The following CAPZA2 variants were observed in gnomAD, a reference collection of about 807,000 sequenced individuals.
The protein encoded by CAPZA2 is capping actin protein of muscle Z-line subunit alpha 2, also known as F-actin-capping protein subunit alpha-2.
CAPZA2 carries 13 observed loss-of-function variants against 44.0 expected under a neutral mutation model. The observed-to-expected ratio is 0.30, with a 90% CI of 0.19 to 0.47. The LOEUF (loss-of-function observed/expected upper bound fraction) is 0.47. CAPZA2 is among the 20% of genes least tolerant of loss of function. The probability of loss-of-function intolerance (pLI) is 1.00; values close to 1 mark genes in which losing one functional copy is unlikely to be tolerated. For missense variants in CAPZA2, 244 were observed against 338.6 expected (o/e 0.72, Z 2.19); for synonymous variants, 94 against 108.2 (o/e 0.87, Z 0.81).
intron 1 of CAPZA2, among the ~76,000 whole-genome samples, chr7:116,867,728 C>G (rs536567069): frequency 2.0e-5 from 3 of 152,116 alleles, no homozygotes; most frequent in African/African-American, 7.2e-5. Flanking sequence ...GGACTACAGG[C>G]ACACACCTGC....
At chr7:116,876,334 C>T (rs1796622264) in intron 1 of CAPZA2, 1 of 151,640 alleles carries the variant, frequency 6.6e-6, no homozygotes, top group Non-Finnish European at 1.5e-5. Context: ...TGTTTTCGTT[C>T]CTATGAAGGA....
Position 116,916,035 on chromosome 7 carries a change from TTTA to T in CAPZA2, c.658-22_658-20del, listed in dbSNP as rs780791271. ...AGTGGTTTAGTTTTAAATTACTATT[TTTA>T]TTTTGTTTTTTTTTTTTTCAGAATG... On this transcript the variant is annotated intron_variant, in intron 8 of 9. Coordinates refer to ENST00000361183, the MANE Select transcript of CAPZA2 (RefSeq NM_006136.3). 3 of 1,434,148 alleles carry T rather than the reference TTTA, an allele frequency of 2.1e-6. No individual in the cohort carries two copies. The African/African-American group carries it at 4.4e-5, about 21-fold the overall frequency. 88.8% of individuals were successfully genotyped at this position (1,434,148 alleles called of 1,614,324 possible).
At position 116,898,166 on chromosome 7, in the gene CAPZA2, A is replaced by C. The variant is rs1007669583; in HGVS notation, c.156-606A>C. Among the ~76,000 whole-genome samples the C allele has an allele frequency of 1.6e-4, 25 of 151,880 alleles. 1 individual carries two copies. Among genetic ancestry groups the C allele is most frequent in the African/African-American group, 6.0e-4 (25 of 41,356 alleles). ...CATCCCTCCAATTTCCATAAACCAG[A>C]GCCTATCCAGTTTTTCAAGTCGGTT... On this transcript the variant is annotated intron_variant, in intron 3 of 9. Coordinates refer to ENST00000361183, the MANE Select transcript of CAPZA2 (RefSeq NM_006136.3).
At chr7:116,903,826 G>GT (rs954838010) in intron 4 of CAPZA2, among the ~76,000 whole-genome samples, 1 of 152,168 alleles carries the variant, frequency 6.6e-6, no homozygotes, top group African/African-American at 2.4e-5. Flanking sequence ...AAGTTCTGTA[G>GT]TTTTGAGGAA....
At chr7:116,880,231 A>T in intron 1 of CAPZA2, 1 of 364,046 alleles carries the variant, frequency 2.7e-6, no homozygotes. Flanking sequence ...AGAACAGTTT[A>T]TTTTTGAGTT....
chr7:116,882,270 TGTG>T (rs1291759408), intron 1 of CAPZA2, among the ~76,000 whole-genome samples: 1 of 152,212 alleles, frequency 6.6e-6, no homozygotes, highest in Non-Finnish European at 1.5e-5. Flanking sequence ...CTAGAATTAC[TGTG>T]GTGGTCACCC....
chr7:116,895,336 TTTA>T (rs1180760387), intron 3 of CAPZA2, among the ~76,000 whole-genome samples: 1 of 151,722 alleles, frequency 6.6e-6, no homozygotes, highest in African/African-American at 2.4e-5. Context: ...GTATGGGACT[TTTA>T]TTTGTCCAAA....
rs141787959 is a variant in CAPZA2 at position 116,906,089 on chromosome 7, G to A, written c.427-174G>A. Among the ~76,000 whole-genome samples, 32 of 152,092 alleles carry A rather than the reference G, an allele frequency of 2.1e-4. No homozygotes were observed. The East Asian group carries it at 5.6e-3, about 27-fold the overall frequency. ...TGTGGTCCACTAATAATTTGATTAC[G>A]CATAAATATTTGAGAACATGTTTTT... On this transcript the variant is annotated intron_variant, in intron 5 of 9. Transcript: ENST00000361183.
chr7:116,915,931 A>G (rs1380755471), intron 8 of CAPZA2, 129 bp from the exon 9 acceptor site: 7 of 622,538 alleles, frequency 1.1e-5, no homozygotes, highest in African/African-American at 5.9e-5. Flanking sequence ...TGATCTTACA[A>G]TATTTATTCT....
chr7:116,871,702 T>A (rs1796556070), intron 1 of CAPZA2, among the ~76,000 whole-genome samples: 1 of 152,250 alleles, frequency 6.6e-6, no homozygotes, highest in East Asian at 1.9e-4. Context: ...CTTTCTTCTC[T>A]TCTTTTGTAT....
rs1448041785 is a variant in CAPZA2, at chr7:116,920,382, G to T, written c.*2515G>T. The T allele has an allele frequency of 6.6e-6, 1 of 152,264 alleles. No homozygotes were observed. The highest frequency in any genetic ancestry group is 1.5e-5 in the Non-Finnish European group (1 of 68,112). 9.4% of individuals were successfully genotyped at this position (152,264 alleles called of 1,614,324 possible). The stretch of plus-strand genomic sequence containing the variant: ...TTGCTGAGTAGGCTGAAGTGTGGTG[G>T]CAAAGGCATAATCAGGGAGAACAGC... On this transcript the variant is annotated 3_prime_UTR_variant, in exon 10 of 10. Transcript: ENST00000361183.
chr7:116,902,474 G>A (rs1380856743), intron 4 of CAPZA2, among the ~76,000 whole-genome samples: 1 of 152,122 alleles, frequency 6.6e-6, no homozygotes, highest in Non-Finnish European at 1.5e-5. Flanking sequence ...TTTATCAGTA[G>A]TCAGTGGAAT....
At chr7:116,883,439 G>A (rs149762220) in intron 1 of CAPZA2, among the ~76,000 whole-genome samples, 1 of 152,220 alleles carries the variant, frequency 6.6e-6, no homozygotes, top group African/African-American at 2.4e-5. Flanking sequence ...TACTGTGAGA[G>A]ACATCCTTTC....
In CAPZA2 at chr7:116,892,990, G is replaced by A. The variant is rs953806669; in HGVS notation, c.104-4G>A. The A allele has an allele frequency of 3.2e-6, 5 of 1,585,184 alleles. No homozygotes were observed. The South Asian group carries it at 5.7e-5, about 18-fold the overall frequency. On this transcript the variant is annotated splice_region_variant and splice_polypyrimidine_tract_variant and intron_variant, in intron 2 of 9. Transcript: ENST00000361183. ...ATAATGTAGATAACATAATTGTTTT[G>A]CAGATGTTCGGTTACTGCTTAATAA... is the stretch of plus-strand genomic sequence containing the variant.
At chr7:116,886,437 T>C (rs1796762771) in intron 1 of CAPZA2, among the ~76,000 whole-genome samples, 1 of 152,202 alleles carries the variant, frequency 6.6e-6, no homozygotes, top group South Asian at 2.1e-4. Flanking sequence ...GTTTCTCTCC[T>C]CTGAAAATGG....
intron 4 of CAPZA2, among the ~76,000 whole-genome samples, chr7:116,900,917 C>CA (rs1416990434): frequency 1.3e-5 from 2 of 152,002 alleles, no homozygotes; most frequent in East Asian, 3.9e-4. Flanking sequence ...AAAAAGATCA[C>CA]CATCACTGAT....
chr7:116,896,883 C>G (rs1221481824), intron 3 of CAPZA2, among the ~76,000 whole-genome samples: 1 of 152,016 alleles, frequency 6.6e-6, no homozygotes, highest in Non-Finnish European at 1.5e-5. Flanking sequence ...GTTTTTGTAT[C>G]TATAAAGTAA....
intron 8 of CAPZA2, 64 bp from the exon 9 acceptor site, chr7:116,915,996 T>C: frequency 9.3e-7 from 1 of 1,080,048 alleles, no homozygotes; most frequent in East Asian, 2.8e-5. Context: ...ACCATACATA[T>C]ATTTTAAAAT....
intron 3 of CAPZA2, among the ~76,000 whole-genome samples, chr7:116,893,567 A>G (rs1026286148): frequency 1.3e-5 from 2 of 152,264 alleles, no homozygotes; most frequent in Admixed American, 6.5e-5. Context: ...CAACTATGAC[A>G]TGAAATTATT....
Sources: gnomAD v4.1 joint callset for allele counts (sites outside exome capture counted in the v4.1 genomes callset) on GRCh38, gnomAD v4.1.1 for gene constraint, MANE v1.5 for transcripts, NCBI Gene and HGNC (gene_info 2026-07-23, HGNC 2026-07-21) for gene names.